Variants in ARHGEF10L observed in about 807,000 individuals in gnomAD.
ARHGEF10L encodes the protein rho guanine nucleotide exchange factor 10-like protein.
ARHGEF10L carries 69 observed loss-of-function variants against 141.2 expected under a neutral mutation model. That is an observed-to-expected ratio of 0.49 (90% CI 0.40 to 0.60). The LOEUF (loss-of-function observed/expected upper bound fraction) is 0.60, where lower values mean the gene tolerates loss of function less well. ARHGEF10L is among the 20% of genes least tolerant of loss of function. ARHGEF10L has a pLI of 0.00. For missense variants in ARHGEF10L, 1,482 were observed against 1,734.3 expected (o/e 0.85, Z 2.58); for synonymous variants, 711 against 718.5 (o/e 0.99, Z 0.17).
chr1:17,611,595 T>C (rs945965000), intron 7 of ARHGEF10L, among the ~76,000 whole-genome samples: 11 of 151,496 alleles, frequency 7.3e-5, no homozygotes, highest in African/African-American at 2.7e-4. Context: ...CATTCACCCA[T>C]CCAACAAATA....
At chr1:17,543,607 G>A (rs115526783) in intron 1 of ARHGEF10L, among the ~76,000 whole-genome samples, 12,166 of 151,990 alleles carry the variant, frequency 0.08, 550 homozygotes, top group African/African-American at 0.11. Context: ...TTTTTTGAGT[G>A]TATACATTCA....
intron 27 of ARHGEF10L, among the ~76,000 whole-genome samples, chr1:17,692,732 T>C (rs546301851): frequency 6.6e-6 from 1 of 152,340 alleles, no homozygotes; most frequent in African/African-American, 2.4e-5. Flanking sequence ...CTCCCCTGCC[T>C]AGGCCTTCCG....
At chr1:17,634,594 G>A in intron 17 of ARHGEF10L, 32 bp downstream of exon 17, 1 of 1,606,044 alleles carries the variant, frequency 6.2e-7, no homozygotes, top group Non-Finnish European at 8.5e-7. Context: ...GGGGCTCTGG[G>A]GCTCTGGGGC....
rs79704355 is a variant in ARHGEF10L, at chr1:17,557,827, G to A, written c.-44+17877G>A. Among the ~76,000 whole-genome samples the A allele has an allele frequency of 1.8e-3, 267 of 152,308 alleles. 10 individuals are homozygous for A. In the East Asian group the frequency reaches 0.048, roughly 27 times the overall value. ...AGACAGACGGTGATTACATAGGGATGATTGGCCAGGCTGGGGAAACACGTA... is the reference window on the plus strand; with the variant it reads ...AGACAGACGGTGATTACATAGGGATAATTGGCCAGGCTGGGGAAACACGTA... On this transcript the variant is annotated intron_variant, in intron 1 of 28. Coordinates refer to ENST00000361221, the MANE Select transcript of ARHGEF10L (RefSeq NM_018125.4).
intron 7 of ARHGEF10L, among the ~76,000 whole-genome samples, chr1:17,608,836 G>A (rs947479506): frequency 6.6e-6 from 1 of 152,158 alleles, no homozygotes; most frequent in Admixed American, 6.5e-5. Context: ...CCAGGCTGGA[G>A]TACAGTGGCC....
intron 1 of ARHGEF10L, among the ~76,000 whole-genome samples, chr1:17,554,583 CTT>C (rs970778480): frequency 0.021 from 2,506 of 122,176 alleles, 48 homozygotes; most frequent in African/African-American, 0.082. Flanking sequence ...TCCTTCCTTC[CTT>C]TTTTTTTTTT....
At chr1:17,548,461 G>C (rs2076991275) in intron 1 of ARHGEF10L, among the ~76,000 whole-genome samples, 1 of 151,996 alleles carries the variant, frequency 6.6e-6, no homozygotes, top group African/African-American at 2.4e-5. Context: ...ATGTATGGTA[G>C]ATAAGGGTGG....
At chr1:17,522,787 C>T in the ARHGEF10L span, among the ~76,000 whole-genome samples, 83,709 of 151,666 alleles carry the variant, frequency 0.55, 23,649 homozygotes, top group East Asian at 0.75. Context: ...CCATTCACAT[C>T]CCTCCCCCCT....
chr1:17,609,064 TGA>T (rs2059407750), intron 7 of ARHGEF10L, among the ~76,000 whole-genome samples: 1 of 152,212 alleles, frequency 6.6e-6, no homozygotes, highest in Non-Finnish European at 1.5e-5. Flanking sequence ...ATTACAGGTG[TGA>T]GCCACCATGC....
intron 18 of ARHGEF10L, 48 bp from the exon 19 acceptor site, chr1:17,637,840 C>G (rs1010576124): frequency 6.6e-7 from 1 of 1,510,884 alleles, no homozygotes; most frequent in Non-Finnish European, 9.0e-7. Flanking sequence ...TGCTTGGCTT[C>G]TTGTTAGCGC....
rs554533744 is a variant in ARHGEF10L at position 17,696,045 on chromosome 1, AAAAAAT to A, written c.3307+777_3307+782del. 2.6e-5 allele frequency among the ~76,000 whole-genome samples: 4 copies of A among 151,938 alleles called. No individual in the cohort carries two copies. The South Asian group carries it at 8.3e-4, about 32-fold the overall frequency. ...AACCCCATCTCTACTAAAAAATAAA[AAAAAAT>A]AAAAATAAAAAATTAGCTGGGCATG... is the stretch of plus-strand genomic sequence containing the variant. On this transcript the variant is annotated intron_variant, in intron 28 of 28. Coordinates refer to ENST00000361221, the MANE Select transcript of ARHGEF10L (RefSeq NM_018125.4).
intron 1 of ARHGEF10L, among the ~76,000 whole-genome samples, chr1:17,579,355 G>A (rs1400392620): frequency 2.0e-5 from 3 of 152,098 alleles, no homozygotes; most frequent in Admixed American, 6.6e-5. Flanking sequence ...CTGTTGTATC[G>A]TTTGAGTCTT....
intron 16 of ARHGEF10L, among the ~76,000 whole-genome samples, chr1:17,633,132 G>T (rs947738495): frequency 7.2e-5 from 11 of 152,170 alleles, no homozygotes; most frequent in African/African-American, 2.7e-4. Context: ...TGACATTCTG[G>T]GGCCTGGCTG....
At chr1:17,650,792 G>C (rs1054842329) in intron 22 of ARHGEF10L, among the ~76,000 whole-genome samples, 4 of 151,916 alleles carry the variant, frequency 2.6e-5, no homozygotes, top group Non-Finnish European at 5.9e-5. Flanking sequence ...TCAGCTCAGG[G>C]TCCTGCTGAG....
intron 26 of ARHGEF10L, among the ~76,000 whole-genome samples, chr1:17,684,711 G>A (rs938617775): frequency 1.3e-5 from 2 of 152,210 alleles, no homozygotes; most frequent in Non-Finnish European, 2.9e-5. Context: ...CTTTCGGTCT[G>A]AGGAAACTAC....
intron 22 of ARHGEF10L, among the ~76,000 whole-genome samples, chr1:17,652,947 T>C (rs1305158862): frequency 6.6e-6 from 1 of 152,196 alleles, no homozygotes; most frequent in Non-Finnish European, 1.5e-5. Flanking sequence ...AGAACTGCTG[T>C]TGGCCGTGTA....
At chr1:17,583,201 T>TAAAAAA (rs1390764509) in intron 2 of ARHGEF10L, among the ~76,000 whole-genome samples, 1 of 68,870 alleles carries the variant, frequency 1.5e-5, no homozygotes, top group African/African-American at 5.5e-5. Flanking sequence ...TGAGCTTCAT[T>TAAAAAA]TAAAAAAAAA....
chr1:17,581,309 C>CA (rs71014975), intron 2 of ARHGEF10L, among the ~76,000 whole-genome samples: 41,480 of 69,820 alleles, frequency 0.59, 12,212 homozygotes, highest in Admixed American at 0.68. Context: ...AAGACTGTCT[C>CA]AAAAAAAAAA....
intron 2 of ARHGEF10L, among the ~76,000 whole-genome samples, chr1:17,583,033 A>G (rs1400280347): frequency 6.8e-6 from 1 of 147,434 alleles, no homozygotes; most frequent in Non-Finnish European, 1.5e-5. Context: ...TGGACAACAG[A>G]GTGGAACCCT....
Sources: gnomAD v4.1 joint callset for allele counts (sites outside exome capture counted in the v4.1 genomes callset) on GRCh38, gnomAD v4.1.1 for gene constraint, MANE v1.5 for transcripts, NCBI Gene and HGNC (gene_info 2026-07-23, HGNC 2026-07-21) for gene names.